BCKDHB: variants seen among roughly 807,000 people sequenced by gnomAD.
The protein encoded by BCKDHB is 2-oxoisovalerate dehydrogenase subunit beta, mitochondrial.
Under a neutral mutation model 48.5 loss-of-function variants are expected in BCKDHB, and 41 were observed. The observed-to-expected ratio is 0.85, with a 90% CI of 0.66 to 1.10. BCKDHB has a LOEUF of 1.10. Ranked by LOEUF, BCKDHB falls within the 50% of genes least tolerant of loss-of-function variation. BCKDHB has a pLI of 0.00. For missense variants in BCKDHB, 496 were observed against 494.2 expected (o/e 1.00, Z -0.03); for synonymous variants, 201 against 174.8 (o/e 1.15, Z -1.18).
At chr6:80,124,982 C>T (rs1451787459) in intron 1 of BCKDHB, among the ~76,000 whole-genome samples, 1 of 152,154 alleles carries the variant, frequency 6.6e-6, no homozygotes, top group Non-Finnish European at 1.5e-5. Context: ...AAGAGTCCAC[C>T]TGTCCTTTGA....
At chr6:80,274,285 C>T (rs1241240027) in intron 9 of BCKDHB, among the ~76,000 whole-genome samples, 5 of 151,836 alleles carry the variant, frequency 3.3e-5, no homozygotes, top group Admixed American at 1.3e-4. Flanking sequence ...TAGTCAAAAA[C>T]GAAATTATTT....
At chr6:80,424,102 G>C in the BCKDHB span, among the ~76,000 whole-genome samples, 1 of 152,156 alleles carries the variant, frequency 6.6e-6, no homozygotes, top group Non-Finnish European at 1.5e-5. Flanking sequence ...TCTGCCAACT[G>C]TCTTTTAGCT....
In BCKDHB at chr6:80,343,656, G is replaced by A. The variant is rs547989822; in HGVS notation, c.1039-8G>A. Reference sequence around the variant, plus strand: ...TCTTGAAGTTAAGCATCCTGACTCTGTCTGCAGGAGGAATGTTTCTTGAAC... The same window carrying A: ...TCTTGAAGTTAAGCATCCTGACTCTATCTGCAGGAGGAATGTTTCTTGAAC... On this transcript the variant is annotated splice_polypyrimidine_tract_variant and splice_region_variant and intron_variant, in intron 9 of 9. Transcript: ENST00000320393. 1 of 1,613,928 alleles carries A rather than the reference G, an allele frequency of 6.2e-7. No individual in the cohort carries two copies.
At position 80,346,107 on chromosome 6, in the gene BCKDHB, A is replaced by C. The variant is rs1362023154; in HGVS notation, c.*2303A>C. 6.6e-6 allele frequency: 1 copy of C among 152,204 alleles called. No homozygotes were observed. Among genetic ancestry groups the C allele is most frequent in the Non-Finnish European group, 1.5e-5 (1 of 68,036 alleles). The allele number at this position is 152,204 out of a possible 1,614,324, so 9.4% of individuals were successfully genotyped here. A position where few individuals can be genotyped will look rare whatever the true frequency, so the allele number is the denominator to read the frequency against. On this transcript the variant is annotated 3_prime_UTR_variant, in exon 10 of 10. Coordinates refer to ENST00000320393, the MANE Select transcript of BCKDHB (RefSeq NM_183050.4). ...ATCACGATATTGGCTGAAAAGTTCT[A>C]CATTCTATTATTGTATTGTAACACA...
chr6:80,245,405 A>G (rs999796247), intron 8 of BCKDHB, among the ~76,000 whole-genome samples: 1 of 152,180 alleles, frequency 6.6e-6, no homozygotes, highest in African/African-American at 2.4e-5. Context: ...AGCTCAGGAA[A>G]CAAAAAGTAG....
chr6:80,120,331 T>C (rs1769939198), intron 1 of BCKDHB, among the ~76,000 whole-genome samples: 1 of 144,144 alleles, frequency 6.9e-6, no homozygotes, highest in Non-Finnish European at 1.6e-5. Flanking sequence ...TACATGTGCA[T>C]GTGTCTTTAT....
At chr6:80,206,170 GGA>G (rs1774648733) in intron 8 of BCKDHB, among the ~76,000 whole-genome samples, 1 of 152,054 alleles carries the variant, frequency 6.6e-6, no homozygotes, top group African/African-American at 2.4e-5. Context: ...TGAAAGCCAT[GGA>G]GAGTTAGGTC....
intron 9 of BCKDHB, among the ~76,000 whole-genome samples, chr6:80,320,876 T>C (rs145185119): frequency 1.1e-3 from 175 of 152,324 alleles, no homozygotes; most frequent in Non-Finnish European, 2.0e-3. Flanking sequence ...GAAAGTATAA[T>C]GCCTTCTTCG....
At chr6:80,242,908 C>A in intron 8 of BCKDHB, among the ~76,000 whole-genome samples, 1 of 152,060 alleles carries the variant, frequency 6.6e-6, no homozygotes, top group East Asian at 1.9e-4. Context: ...GGGTTAAAGG[C>A]AAATCTGTAG....
the BCKDHB span, among the ~76,000 whole-genome samples, chr6:80,408,744 T>A: frequency 6.6e-6 from 1 of 151,984 alleles, no homozygotes; most frequent in Non-Finnish European, 1.5e-5. Context: ...GAGTCTTCTC[T>A]CTTTTCTTCT....
chr6:80,158,130 C>T (rs1229260278), intron 3 of BCKDHB, among the ~76,000 whole-genome samples: 1 of 152,122 alleles, frequency 6.6e-6, no homozygotes, highest in Non-Finnish European at 1.5e-5. Context: ...AATTTTAATC[C>T]AGTCACTGAA....
intron 8 of BCKDHB, among the ~76,000 whole-genome samples, chr6:80,234,085 C>T (rs1776046424): frequency 6.6e-6 from 1 of 152,270 alleles, no homozygotes; most frequent in Non-Finnish European, 1.5e-5. Flanking sequence ...CTATGAGAAT[C>T]GAATGCCACT....
At chr6:80,367,811 G>A in the BCKDHB span, among the ~76,000 whole-genome samples, 1 of 100,236 alleles carries the variant, frequency 1.0e-5, no homozygotes, top group Non-Finnish European at 2.1e-5. Flanking sequence ...GACATCATAT[G>A]TGAGTGGGAA....
chr6:80,139,643 G>A (rs1330888680), intron 3 of BCKDHB, among the ~76,000 whole-genome samples: 1 of 151,976 alleles, frequency 6.6e-6, no homozygotes, highest in African/African-American at 2.4e-5. Flanking sequence ...TGAGGGCTCT[G>A]TTCTGTTCCA....
chr6:80,258,433 T>G (rs1777149944), intron 8 of BCKDHB, among the ~76,000 whole-genome samples: 1 of 152,242 alleles, frequency 6.6e-6, no homozygotes, highest in Admixed American at 6.5e-5. Flanking sequence ...TTGTTATTCT[T>G]CCTTAAAAAG....
the BCKDHB span, among the ~76,000 whole-genome samples, chr6:80,359,476 G>A: frequency 3.3e-5 from 5 of 152,160 alleles, no homozygotes; most frequent in African/African-American, 9.7e-5. Context: ...GTGTCCTCCT[G>A]TTTTCTTTGT....
intron 3 of BCKDHB, among the ~76,000 whole-genome samples, chr6:80,136,074 G>C (rs1770869734): frequency 6.6e-6 from 1 of 152,126 alleles, no homozygotes; most frequent in Non-Finnish European, 1.5e-5. Context: ...TTTGTTGATG[G>C]ATGTTTGGGT....
At chr6:80,278,202 A>G (rs1256794201) in intron 9 of BCKDHB, among the ~76,000 whole-genome samples, 1 of 152,216 alleles carries the variant, frequency 6.6e-6, no homozygotes, top group Non-Finnish European at 1.5e-5. Flanking sequence ...CCAGTGATAC[A>G]AAACCTTTCC....
At chr6:80,339,505 T>C (rs1562239753) in intron 9 of BCKDHB, among the ~76,000 whole-genome samples, 1 of 152,234 alleles carries the variant, frequency 6.6e-6, no homozygotes, top group Admixed American at 6.5e-5. Context: ...TGATTTGGAA[T>C]TGTTATTTCA....
Sources: gnomAD v4.1 joint callset for allele counts (sites outside exome capture counted in the v4.1 genomes callset) on GRCh38, gnomAD v4.1.1 for gene constraint, MANE v1.5 for transcripts, NCBI Gene and HGNC (gene_info 2026-07-23, HGNC 2026-07-21) for gene names.